HEATR5B: variants seen among roughly 807,000 people sequenced by gnomAD.
HEATR5B encodes HEAT repeat containing 5B, also known as HEAT repeat-containing protein 5B.
HEATR5B carries 156 observed loss-of-function variants against 224.1 expected under a neutral mutation model. The observed-to-expected ratio is 0.70, with a 90% CI of 0.61 to 0.80. The LOEUF is 0.80. Ranked by LOEUF, HEATR5B falls within the 30% of genes least tolerant of loss-of-function variation. The pLI, the probability that HEATR5B is intolerant of heterozygous loss-of-function variation, is 0.00. For missense variants in HEATR5B, 2,323 were observed against 2,535.5 expected (o/e 0.92, Z 1.80); for synonymous variants, 1,027 against 893.0 (o/e 1.15, Z -2.68).
chr2:36,981,551 C>T lies in HEATR5B; in HGVS notation c.6155G>A (p.Arg2052Lys), dbSNP rs1405600554. The change falls in exon 36 of 36, where the codon AGA becomes AAA. Residue 2052 changes from arginine (R) to lysine (K), a missense_variant. Arg to Lys is a conservative substitution (Grantham distance 26). Transcript: ENST00000233099. ...AGAATGTATGGCGGGGGCTGGTTGT[C>T]TGGCAGCCGCTTTAGCTTTGCTCGC... ...SQASKAKAAA[R>K]QPAPAIHSAP... 1.2e-6 allele frequency: 2 copies of T among 1,613,996 alleles called. No homozygotes were observed. Among genetic ancestry groups the T allele is most frequent in the Non-Finnish European group, 8.5e-7 (1 of 1,180,012 alleles).
intron 17 of HEATR5B, 118 bp from the exon 18 acceptor site, chr2:37,049,961 G>T: frequency 1.1e-6 from 1 of 944,716 alleles, no homozygotes; most frequent in Non-Finnish European, 1.5e-6. Context: ...CACAATCACT[G>T]CTCACTACAG....
At chr2:36,985,700 C>T (rs1295887410) in intron 35 of HEATR5B, among the ~76,000 whole-genome samples, 2 of 144,912 alleles carry the variant, frequency 1.4e-5, no homozygotes, top group East Asian at 2.0e-4. Context: ...CTCCTGAACT[C>T]GTGATCCATC....
chr2:36,996,023 C>T (rs1666679522), intron 33 of HEATR5B, among the ~76,000 whole-genome samples: 1 of 151,146 alleles, frequency 6.6e-6, no homozygotes, highest in South Asian at 2.1e-4. Context: ...GTAGCTGGGA[C>T]CACAGGCACA....
chr2:37,021,879 C>G (rs1302023211), intron 24 of HEATR5B, among the ~76,000 whole-genome samples: 4 of 114,434 alleles, frequency 3.5e-5, no homozygotes, highest in Non-Finnish European at 7.0e-5. Context: ...AAAGTGAGAC[C>G]CTGTTTCAAA....
intron 33 of HEATR5B, among the ~76,000 whole-genome samples, chr2:36,994,994 T>C (rs1024559867): frequency 4.0e-5 from 6 of 151,458 alleles, no homozygotes; most frequent in Non-Finnish European, 7.4e-5. Context: ...TCATGATCTG[T>C]CCACCTCGGC....
intron 33 of HEATR5B, among the ~76,000 whole-genome samples, chr2:36,995,521 C>T (rs1235288387): frequency 3.9e-5 from 6 of 152,074 alleles, no homozygotes; most frequent in Non-Finnish European, 8.8e-5. Context: ...ATTAATAAAA[C>T]TAAAGTTATC....
In HEATR5B at chr2:37,065,868, G is replaced by A; in HGVS notation, c.1220C>T (p.Ala407Val). 6.2e-7 allele frequency: 1 copy of A among 1,613,446 alleles called. No individual in the cohort carries two copies. The highest frequency in any genetic ancestry group is 8.5e-7 in the Non-Finnish European group (1 of 1,179,498). Residue 407 changes from alanine to valine, a missense_variant, in exon 9 of 36, where the codon GCA (alanine) becomes GTA (valine). This residue lies in a region of HEATR5B where 502 missense variants were observed against 517.8 expected (regional missense o/e 0.97). Coordinates refer to ENST00000233099, the MANE Select transcript of HEATR5B (RefSeq NM_019024.3). ...NDTSGENKSG[A>V]ADIAASQHVM... ...ATGCTGGCTTGCTGCAATGTCTGCT[G>A]CGCCAGATTTGTTTTCTCCACTTGT...
chr2:36,993,619 C>T (rs1018519605), intron 33 of HEATR5B, among the ~76,000 whole-genome samples: 2 of 151,450 alleles, frequency 1.3e-5, no homozygotes, highest in Non-Finnish European at 2.9e-5. Context: ...CCACAGGTTA[C>T]CTATTAATTA....
chr2:37,013,030 T>C (rs942782734), intron 27 of HEATR5B, among the ~76,000 whole-genome samples: 1 of 152,094 alleles, frequency 6.6e-6, no homozygotes, highest in Non-Finnish European at 1.5e-5. Flanking sequence ...ACTGCTAACC[T>C]GACAGAGCTG....
chr2:37,025,276 C>A (rs1399476951), intron 24 of HEATR5B, among the ~76,000 whole-genome samples: 1 of 151,888 alleles, frequency 6.6e-6, no homozygotes, highest in African/African-American at 2.4e-5. Flanking sequence ...AATACATGAA[C>A]AACAGAGAAC....
chr2:37,066,798 CATT>C (rs1671616575), intron 8 of HEATR5B, among the ~76,000 whole-genome samples: 1 of 151,950 alleles, frequency 6.6e-6, no homozygotes, highest in Non-Finnish European at 1.5e-5. Flanking sequence ...TTTTTGCATT[CATT>C]ATTAATTAAT....
chr2:37,056,607 T>A lies in HEATR5B; in HGVS notation c.2232A>T (p.Pro744=), dbSNP rs1670927856. 6.3e-7 allele frequency: 1 copy of A among 1,587,736 alleles called. No individual in the cohort carries two copies. Among genetic ancestry groups the A allele is most frequent in the African/African-American group, 1.4e-5 (1 of 73,260 alleles). ...GAGCCCCACTTCCAGAGGCACTGTTTGGCTGGAGCTGCAAAAGAGTGAAAT... is the reference window on the plus strand; with the variant it reads ...GAGCCCCACTTCCAGAGGCACTGTTAGGCTGGAGCTGCAAAAGAGTGAAAT... ...DHKSIEDQLQ[P]NSASGSGALE... The change falls in exon 16 of 36, where the codon CCA becomes CCT. Residue 744 remains proline (P), a synonymous_variant. Coordinates refer to ENST00000233099, the MANE Select transcript of HEATR5B (RefSeq NM_019024.3).
intron 6 of HEATR5B, among the ~76,000 whole-genome samples, chr2:37,071,175 A>G (rs1438955350): frequency 2.6e-5 from 4 of 152,168 alleles, no homozygotes; most frequent in Non-Finnish European, 5.9e-5. Flanking sequence ...TACTGAAATA[A>G]TTATCATTAA....
chr2:37,063,405 G>A (rs1671402048), intron 10 of HEATR5B, among the ~76,000 whole-genome samples: 1 of 152,180 alleles, frequency 6.6e-6, no homozygotes, highest in African/African-American at 2.4e-5. Flanking sequence ...ACGGCGGAAT[G>A]AAGTCAAATT....
At chr2:37,042,917 T>C (rs571667502) in intron 18 of HEATR5B, among the ~76,000 whole-genome samples, 2 of 145,548 alleles carry the variant, frequency 1.4e-5, no homozygotes, top group East Asian at 4.0e-4. Context: ...AAAGAAGGGA[T>C]GAGATAATGC....
At chr2:37,011,078 C>T (rs995042291) in intron 27 of HEATR5B, among the ~76,000 whole-genome samples, 1 of 152,176 alleles carries the variant, frequency 6.6e-6, no homozygotes, top group African/African-American at 2.4e-5. Context: ...TCTTCTAGTA[C>T]ACTCTACCCA....
intron 6 of HEATR5B, 114 bp downstream of exon 6, chr2:37,071,996 T>C: frequency 5.8e-6 from 5 of 866,070 alleles, no homozygotes; most frequent in Non-Finnish European, 8.5e-6. Flanking sequence ...GTTCTTTCAT[T>C]TTATGGAAAA....
At chr2:37,045,811 T>C (rs187089303) in intron 18 of HEATR5B, among the ~76,000 whole-genome samples, 2 of 152,368 alleles carry the variant, frequency 1.3e-5, no homozygotes, top group Admixed American at 6.5e-5. Flanking sequence ...CAAGCAGTAA[T>C]CTGGAGCATC....
intron 30 of HEATR5B, among the ~76,000 whole-genome samples, chr2:37,004,496 C>T (rs1667288432): frequency 6.6e-6 from 1 of 151,832 alleles, no homozygotes; most frequent in African/African-American, 2.4e-5. Context: ...ATGTCCTCCT[C>T]TATGTATCTG....
Sources: allele counts gnomAD v4.1 joint callset (sites outside exome capture counted in the v4.1 genomes callset), GRCh38; gene constraint gnomAD v4.1.1; regional missense constraint gnomAD v4.1.1; transcripts MANE v1.5; gene names NCBI Gene and HGNC (gene_info 2026-07-23, HGNC 2026-07-21).